CTR9: variants seen among roughly 807,000 people sequenced by gnomAD.
CTR9 encodes RNA polymerase-associated protein CTR9 homolog.
Under a neutral mutation model 152.1 loss-of-function variants are expected in CTR9, and 41 were observed. That is an observed-to-expected ratio of 0.27 (90% CI 0.21 to 0.35). CTR9 has a LOEUF of 0.35. Among genes scored for constraint, CTR9 ranks in the 10% least tolerant of loss-of-function variants. CTR9 has a pLI of 1.00. For synonymous variants in CTR9, 476 were observed against 496.2 expected (o/e 0.96, Z 0.54); for missense variants, 917 against 1,424.4 (o/e 0.64, Z 5.73).
In CTR9 at chr11:10,764,642, T is replaced by C; in HGVS notation, c.1508T>C (p.Leu503Pro). ...ATTTCCGTTACCACGTCATATAATCTCGCCAGGCTATATGAGGCGATGTGT... is the reference window on the plus strand; with the variant it reads ...ATTTCCGTTACCACGTCATATAATCCCGCCAGGCTATATGAGGCGATGTGT... ...NAISVTTSYN[L>P]ARLYEAMCEF... Residue 503 changes from leucine to proline, a missense_variant, in exon 12 of 25, where the codon CTC becomes CCC. Physicochemically the swap from Leu to Pro is moderately conservative, Grantham distance 98. Transcript: ENST00000361367. The C allele has an allele frequency of 6.2e-7, 1 of 1,613,700 alleles. No homozygotes were observed. Among genetic ancestry groups the C allele is most frequent in the Non-Finnish European group, 8.5e-7 (1 of 1,179,708 alleles).
intron 21 of CTR9, 78 bp downstream of exon 21, chr11:10,773,351 A>G: frequency 6.5e-7 from 1 of 1,547,678 alleles, no homozygotes; most frequent in Non-Finnish European, 8.8e-7. Context: ...AATTGGTTAA[A>G]TTCCTTCTGT....
Position 10,760,205 on chromosome 11 carries a change from G to C in CTR9, c.625G>C (p.Val209Leu). ...TCGTTTAGGAATGGGTCATTGCTTT[G>C]TGAAACTTAACAAACTGGAAAAAGC... ...EVRLGMGHCF[V>L]KLNKLEKARL... The change falls in exon 6 of 25, where the codon GTG becomes CTG. Residue 209 changes from valine to leucine, a missense_variant. Val to Leu is a conservative substitution (Grantham distance 32, BLOSUM62 1). Coordinates refer to ENST00000361367, the MANE Select transcript of CTR9 (RefSeq NM_014633.5). 2.5e-6 allele frequency: 4 copies of C among 1,614,068 alleles called. No individual in the cohort carries two copies. Among genetic ancestry groups the C allele is most frequent in the Non-Finnish European group, 3.4e-6 (4 of 1,179,930 alleles).
chr11:10,771,332 G>A (rs1863140073), intron 18 of CTR9, among the ~76,000 whole-genome samples: 1 of 152,120 alleles, frequency 6.6e-6, no homozygotes, highest in Admixed American at 6.5e-5. Flanking sequence ...GAATTGCTTT[G>A]TGGTTATTTG....
intron 1 of CTR9, 116 bp downstream of exon 1, chr11:10,751,573 C>G: frequency 1.0e-6 from 1 of 1,004,076 alleles, no homozygotes; most frequent in Non-Finnish European, 1.5e-6. Flanking sequence ...GAGCCCTGAT[C>G]GAAATACCTG....
rs745924899 is a variant in CTR9 at position 10,764,644 on chromosome 11, G to T, written c.1510G>T (p.Ala504Ser). The T allele has an allele frequency of 6.2e-7, 1 of 1,613,420 alleles. No individual in the cohort carries two copies. Among genetic ancestry groups the T allele is most frequent in the South Asian group, 1.1e-5 (1 of 91,008 alleles). The change falls in exon 12 of 25, where the codon GCC (alanine) becomes TCC (serine). Residue 504 changes from alanine (A) to serine (S), a missense_variant. This residue lies in a region of CTR9 where 133 missense variants were observed against 244.1 expected (regional missense o/e 0.54). Coordinates refer to ENST00000361367, the MANE Select transcript of CTR9 (RefSeq NM_014633.5). ...AISVTTSYNL[A>S]RLYEAMCEFH... is the part of the protein sequence containing the mutation. Reference sequence around the variant, plus strand: ...TTCCGTTACCACGTCATATAATCTCGCCAGGCTATATGAGGCGATGTGTGA... The same window carrying T: ...TTCCGTTACCACGTCATATAATCTCTCCAGGCTATATGAGGCGATGTGTGA...
intron 2 of CTR9, 22 bp from the exon 3 acceptor site, chr11:10,754,936 A>G (rs1261765177): frequency 4.4e-6 from 7 of 1,605,372 alleles, no homozygotes; most frequent in Non-Finnish European, 6.0e-6. Flanking sequence ...TAGTGATTCT[A>G]ATTTGTTTCA....
rs551083658 is a variant in CTR9 at position 10,754,105 on chromosome 11, T to C, written c.145-853T>C. On this transcript the variant is annotated intron_variant, in intron 2 of 24. Transcript: ENST00000361367. ...CCAGGCTAGACTCAAACTCCTGGGC[T>C]CAAGCCATCCTGCCACTACAGCATC... is the stretch of plus-strand genomic sequence containing the variant. Among the ~76,000 whole-genome samples the C allele has an allele frequency of 5.3e-5, 8 of 152,294 alleles. No individual in the cohort carries two copies. In the South Asian group the frequency reaches 1.7e-3, roughly 32 times the overall value.
chr11:10,775,062 C>T, intron 22 of CTR9, 145 bp from the exon 23 acceptor site: 1 of 631,018 alleles, frequency 1.6e-6, no homozygotes, highest in Non-Finnish European at 2.7e-6. Flanking sequence ...AGTTATGTCC[C>T]CTGCCCTTGA....
intron 22 of CTR9, among the ~76,000 whole-genome samples, chr11:10,774,552 A>T (rs374378494): frequency 6.6e-6 from 1 of 152,210 alleles, no homozygotes; most frequent in Non-Finnish European, 1.5e-5. Context: ...AGCAATGCCT[A>T]CCTCATGGTT....
chr11:10,760,723 A>G (rs1862963311), intron 6 of CTR9, among the ~76,000 whole-genome samples: 1 of 152,212 alleles, frequency 6.6e-6, no homozygotes, highest in African/African-American at 2.4e-5. Context: ...AACACATCCC[A>G]GTGCCTTAAA....
rs1038698234 is a variant in CTR9 at position 10,756,762 on chromosome 11, T to G, written c.516T>G (p.Ile172Met). 3 of 1,609,734 alleles carry G rather than the reference T, an allele frequency of 1.9e-6. No individual in the cohort carries two copies. The African/African-American group carries it at 4.0e-5, about 22-fold the overall frequency. The change falls in exon 5 of 25, where the codon ATT (isoleucine) becomes ATG (methionine). Residue 172 changes from isoleucine (I) to methionine (M), a missense_variant. Physicochemically the swap from Ile to Met is conservative, Grantham distance 10. This residue lies in a region of CTR9 where 110 missense variants were observed against 149.5 expected (regional missense o/e 0.74). Transcript: ENST00000361367. The part of the protein sequence containing the change: ...NIPALLGKAC[I>M]SFNKKDYRGA... ...AAATCATTACAGGTAAAGCTTGCATTTCCTTCAACAAGAAGGATTACAGAG... is the reference window on the plus strand; with the variant it reads ...AAATCATTACAGGTAAAGCTTGCATGTCCTTCAACAAGAAGGATTACAGAG...
At chr11:10,755,837 A>G in intron 4 of CTR9, 42 bp downstream of exon 4, 1 of 1,192,108 alleles carries the variant, frequency 8.4e-7, no homozygotes, top group Non-Finnish European at 1.2e-6. Flanking sequence ...AGTTGTTTTC[A>G]GCATATGCCT....
intron 12 of CTR9, 36 bp from the exon 13 acceptor site, chr11:10,766,366 T>C: frequency 6.9e-7 from 1 of 1,447,438 alleles, no homozygotes. Context: ...TTATAGCTAA[T>C]ATTTGGGATA....
At chr11:10,757,588 A>G (rs78487074) in intron 5 of CTR9, among the ~76,000 whole-genome samples, 1,665 of 152,354 alleles carry the variant, frequency 0.011, 26 homozygotes, top group African/African-American at 0.039. Context: ...CAAGAAAAAA[A>G]AAGTCTGGAT....
At chr11:10,776,971 GAAAAAAAAAAAAAA>G (rs11326865) in intron 24 of CTR9, among the ~76,000 whole-genome samples, 1 of 63,236 alleles carries the variant, frequency 1.6e-5, no homozygotes, top group Non-Finnish European at 2.8e-5. Flanking sequence ...AGACTCTTGT[GAAAAAAAAAAAAAA>G]AAAAAAAAAA....
In CTR9 at chr11:10,767,117, A is replaced by T. The variant is rs906789169; in HGVS notation, c.1686+627A>T. The T allele has an allele frequency of 6.5e-6, 1 of 152,792 alleles. No individual in the cohort carries two copies. Among genetic ancestry groups the T allele is most frequent in the African/African-American group, 2.4e-5 (1 of 41,470 alleles). 9.5% of individuals were successfully genotyped at this position (152,792 alleles called of 1,614,324 possible). ...ACAACTTACTAATGGGTATCAACTC[A>T]GTTTGAAAACCACTCATGTGGGGGT... is the stretch of plus-strand genomic sequence containing the variant. On this transcript the variant is annotated intron_variant, in intron 13 of 24. Transcript: ENST00000361367. This position sits in a 1 kb window ranked among gnomAD's most constrained non-coding sequence, Gnocchi z 4.0.
chr11:10,779,042 A>G lies in CTR9; in HGVS notation c.3459A>G (p.Pro1153=). The stretch of plus-strand genomic sequence containing the variant: ...AAGGCTCTGGAAATGAATCGGAACC[A>G]GAGGGATCCAACAATGAGGCCTCAG... ...SGQGSGNESE[P]EGSNNEASDR... Residue 1153 remains proline, a synonymous_variant, in exon 25 of 25, where the codon CCA becomes CCG. Coordinates refer to ENST00000361367, the MANE Select transcript of CTR9 (RefSeq NM_014633.5). The G allele has an allele frequency of 6.2e-7, 1 of 1,614,204 alleles. No homozygotes were observed. The highest frequency in any genetic ancestry group is 8.5e-7 in the Non-Finnish European group (1 of 1,180,032).
At position 10,768,070 on chromosome 11, in the gene CTR9, A is replaced by G. The variant is rs374419778; in HGVS notation, c.1873-4A>G. The G allele has an allele frequency of 5.8e-4, 942 of 1,613,964 alleles. 4 individuals are homozygous for G. Among genetic ancestry groups the G allele is most frequent in the Non-Finnish European group, 5.5e-4 (646 of 1,179,994 alleles). ...ATCTTTTTTAAGAGCACTTGTTTCT[A>G]TAGGAAAAGCGTCATCAAGATCGTG... On this transcript the variant is annotated splice_region_variant and splice_polypyrimidine_tract_variant and intron_variant, in intron 14 of 24. Coordinates refer to ENST00000361367, the MANE Select transcript of CTR9 (RefSeq NM_014633.5).
intron 6 of CTR9, 61 bp from the exon 7 acceptor site, chr11:10,761,886 T>C (rs1198540174): frequency 1.8e-6 from 2 of 1,109,892 alleles, no homozygotes; most frequent in Non-Finnish European, 2.6e-6. Context: ...AAAGAAAACT[T>C]CTTGAAAAGT....
Sources: gnomAD v4.1 joint callset for allele counts (sites outside exome capture counted in the v4.1 genomes callset) on GRCh38, gnomAD v4.1.1 for gene constraint, gnomAD v4.1.1 regional missense constraint, Gnocchi (gnomAD v3.1) non-coding constraint, MANE v1.5 for transcripts, NCBI Gene and HGNC (gene_info 2026-07-23, HGNC 2026-07-21) for gene names.